The following LARGE1 variants were observed in gnomAD, a reference collection of about 807,000 sequenced individuals.
The protein encoded by LARGE1 is LARGE xylosyl- and glucuronyltransferase 1.
LARGE1 carries 43 observed loss-of-function variants against 87.6 expected under a neutral mutation model. That is an observed-to-expected ratio of 0.49 (90% CI 0.38 to 0.63). LARGE1 has a LOEUF of 0.63. Among genes scored for constraint, LARGE1 ranks in the 30% least tolerant of loss-of-function variants. The probability of loss-of-function intolerance (pLI) is 0.00; values close to 1 mark genes in which losing one functional copy is unlikely to be tolerated. For synonymous variants in LARGE1, 434 were observed against 394.6 expected (o/e 1.10, Z -1.18); for missense variants, 802 against 1,000.2 (o/e 0.80, Z 2.67).
At chr22:33,584,263 G>A (rs1201578335) in intron 5 of LARGE1, among the ~76,000 whole-genome samples, 2 of 152,152 alleles carry the variant, frequency 1.3e-5, no homozygotes, top group African/African-American at 4.8e-5. Flanking sequence ...AAGATAAAAT[G>A]CTCTTACGCC....
intron 12 of LARGE1, among the ~76,000 whole-genome samples, chr22:33,290,296 G>A (rs1932301912): frequency 6.6e-6 from 1 of 152,174 alleles, no homozygotes; most frequent in Non-Finnish European, 1.5e-5. Flanking sequence ...ATAAGGAAAC[G>A]CCGTGCACTG....
the LARGE1 span, among the ~76,000 whole-genome samples, chr22:33,093,139 T>C: frequency 1.3e-5 from 2 of 152,316 alleles, no homozygotes; most frequent in East Asian, 3.9e-4. Flanking sequence ...CTTTGCAAAA[T>C]GGGACAAAGA....
At chr22:33,692,200 A>G (rs1163831801) in intron 2 of LARGE1, among the ~76,000 whole-genome samples, 2 of 152,220 alleles carry the variant, frequency 1.3e-5, no homozygotes, top group African/African-American at 4.8e-5. Flanking sequence ...TCTTGTTAGG[A>G]TGCAAAATGC....
At chr22:33,698,223 C>T (rs1195975924) in intron 2 of LARGE1, among the ~76,000 whole-genome samples, 2 of 152,024 alleles carry the variant, frequency 1.3e-5, no homozygotes, top group East Asian at 3.9e-4. Flanking sequence ...CAGGAGCACG[C>T]CACCACGCTC....
intron 6 of LARGE1, among the ~76,000 whole-genome samples, chr22:33,530,331 G>C (rs996413439): frequency 6.6e-6 from 1 of 152,170 alleles, no homozygotes; most frequent in Non-Finnish European, 1.5e-5. Flanking sequence ...TTACAGCACA[G>C]TTACTTGCAG....
intron 1 of LARGE1, among the ~76,000 whole-genome samples, chr22:33,763,357 G>A (rs2084796415): frequency 6.6e-6 from 1 of 152,142 alleles, no homozygotes; most frequent in Admixed American, 6.5e-5. Flanking sequence ...AATTCTTTTG[G>A]AACAGATGAA....
At chr22:33,517,693 C>T (rs946716286) in intron 6 of LARGE1, among the ~76,000 whole-genome samples, 55 of 152,232 alleles carry the variant, frequency 3.6e-4, no homozygotes, top group African/African-American at 1.3e-3. Context: ...GCCACTGTGC[C>T]GGGCCGCCCA....
At position 33,609,435 on chromosome 22, in the gene LARGE1, A is replaced by C. The variant is rs530697287; in HGVS notation, c.492-4877T>G. Among the ~76,000 whole-genome samples, 8 of 152,334 alleles carry C rather than the reference A, an allele frequency of 5.3e-5. No homozygotes were observed. In the South Asian group the frequency reaches 1.7e-3, roughly 32 times the overall value. ...GGAGCACAAAAGCTACATGGTGGTGAGGGTGAAAGAGATGACATTTTGGTA... is the reference window on the plus strand; with the variant it reads ...GGAGCACAAAAGCTACATGGTGGTGCGGGTGAAAGAGATGACATTTTGGTA... On this transcript the variant is annotated intron_variant, in intron 4 of 14. Coordinates refer to ENST00000397394, the MANE Select transcript of LARGE1 (RefSeq NM_133642.5).
chr22:33,437,911 G>T (rs1488008716), intron 6 of LARGE1, among the ~76,000 whole-genome samples: 3 of 152,130 alleles, frequency 2.0e-5, no homozygotes, highest in Non-Finnish European at 4.4e-5. Flanking sequence ...TGATTCTGTG[G>T]GGGTAAGTGG....
intron 5 of LARGE1, among the ~76,000 whole-genome samples, chr22:33,576,696 C>A (rs896577401): frequency 1.1e-4 from 16 of 152,060 alleles, no homozygotes; most frequent in African/African-American, 3.6e-4. Flanking sequence ...GGTTCCAGCA[C>A]CCTCAAGGAT....
intron 1 of LARGE1, among the ~76,000 whole-genome samples, chr22:33,825,417 T>TTATAAATTATA (rs375875556): frequency 6.8e-6 from 1 of 146,454 alleles, no homozygotes; most frequent in African/African-American, 2.8e-5. Flanking sequence ...ACTGGGTAAT[T>TTATAAATTATA]ATAAAGGAAA....
intron 7 of LARGE1, among the ~76,000 whole-genome samples, chr22:33,420,866 T>C (rs992758800): frequency 2.0e-5 from 3 of 152,240 alleles, no homozygotes; most frequent in African/African-American, 7.2e-5. Flanking sequence ...CGTAATCCTC[T>C]TTCCCCATTT....
At chr22:33,212,411 T>C (rs1194404005) in intron 11 of LARGE1, among the ~76,000 whole-genome samples, 2 of 152,244 alleles carry the variant, frequency 1.3e-5, no homozygotes, top group African/African-American at 4.8e-5. Context: ...TTCCTGAATA[T>C]TTTAAGCCCA....
At chr22:33,350,783 C>T (rs78619740) in intron 9 of LARGE1, among the ~76,000 whole-genome samples, 3,959 of 152,290 alleles carry the variant, frequency 0.026, 69 homozygotes, top group Non-Finnish European at 0.04. Flanking sequence ...CTTCCCATGA[C>T]TCTAATGGGG....
chr22:33,651,404 A>AG (rs1241152175), intron 2 of LARGE1, among the ~76,000 whole-genome samples: 8 of 149,870 alleles, frequency 5.3e-5, no homozygotes, highest in Admixed American at 4.0e-4. Flanking sequence ...AAAAAAAAAA[A>AG]AAAAAAGAAA....
chr22:33,599,124 C>T (rs2079051347), intron 5 of LARGE1, among the ~76,000 whole-genome samples: 3 of 152,210 alleles, frequency 2.0e-5, no homozygotes, highest in Admixed American at 2.0e-4. Flanking sequence ...CCCTTAAGAT[C>T]TCCACTACAT....
chr22:33,468,790 C>T (rs2068715671), intron 6 of LARGE1, among the ~76,000 whole-genome samples: 1 of 152,140 alleles, frequency 6.6e-6, no homozygotes, highest in Non-Finnish European at 1.5e-5. Flanking sequence ...CTTCAAAGTC[C>T]TGTTATTTTC....
chr22:33,672,987 T>C (rs1057067851), intron 2 of LARGE1, among the ~76,000 whole-genome samples: 3 of 152,062 alleles, frequency 2.0e-5, no homozygotes. Context: ...CAAGATGCTT[T>C]GTGTTGGTCG....
intron 5 of LARGE1, among the ~76,000 whole-genome samples, chr22:33,566,844 C>T (rs1569275742): frequency 6.6e-6 from 1 of 152,106 alleles, no homozygotes; most frequent in East Asian, 1.9e-4. Flanking sequence ...TTACAGAGTG[C>T]TAACTGATGC....
Sources: gnomAD v4.1 joint callset for allele counts (sites outside exome capture counted in the v4.1 genomes callset) on GRCh38, gnomAD v4.1.1 for gene constraint, MANE v1.5 for transcripts, NCBI Gene and HGNC (gene_info 2026-07-23, HGNC 2026-07-21) for gene names.